Variants in MARK1 observed in about 807,000 individuals in gnomAD.
MARK1 encodes the protein microtubule affinity regulating kinase 1, also known as serine/threonine-protein kinase MARK1.
Under a neutral mutation model 96.3 loss-of-function variants are expected in MARK1, and 40 were observed. The observed-to-expected ratio is 0.42, with a 90% CI of 0.32 to 0.54. MARK1 has a LOEUF of 0.54. MARK1 is among the 20% of genes least tolerant of loss of function. MARK1 has a pLI of 0.16. For synonymous variants in MARK1, 317 were observed against 341.2 expected, an observed-to-expected ratio of 0.93 and a Z score of 0.78; for missense variants, 719 against 984.6, an observed-to-expected ratio of 0.73 and a Z score of 3.61.
chr1:220,623,010 G>C (rs1281368598), intron 9 of MARK1, among the ~76,000 whole-genome samples: 1 of 152,092 alleles, frequency 6.6e-6, no homozygotes, highest in African/African-American at 2.4e-5. Flanking sequence ...AGTCATTTAT[G>C]TTCATTGGCA....
At chr1:220,641,890 T>G (rs1233730686) in intron 13 of MARK1, among the ~76,000 whole-genome samples, 1 of 152,196 alleles carries the variant, frequency 6.6e-6, no homozygotes, top group Non-Finnish European at 1.5e-5. Flanking sequence ...GGCACTACGC[T>G]TTTCCCACAG....
chr1:220,552,581 T>C (rs1661937634), intron 1 of MARK1, among the ~76,000 whole-genome samples: 1 of 152,168 alleles, frequency 6.6e-6, no homozygotes, highest in African/African-American at 2.4e-5. Context: ...ATTCTTTATT[T>C]GCTATAAAAT....
At position 220,626,500 on chromosome 1, in the gene MARK1, G is replaced by T; in HGVS notation, c.910-4535G>T. On this transcript the variant is annotated intron_variant, in intron 9 of 17. Transcript: ENST00000366917. ...GTGTGGCTCAGACTCCTTATCTGGGGACTGGTTAGGTTGCTTCAATCTGAT... is the reference window on the plus strand; with the variant it reads ...GTGTGGCTCAGACTCCTTATCTGGGTACTGGTTAGGTTGCTTCAATCTGAT... 5.7e-6 allele frequency: 3 copies of T among 529,776 alleles called. 1 individual carries two copies. The highest frequency in any genetic ancestry group is 1.4e-5 in the South Asian group (1 of 71,022). 32.8% of individuals were successfully genotyped at this position (529,776 alleles called of 1,614,324 possible).
intron 6 of MARK1, among the ~76,000 whole-genome samples, chr1:220,605,758 T>C (rs1266117394): frequency 1.4e-5 from 2 of 143,728 alleles, no homozygotes; most frequent in Non-Finnish European, 3.0e-5. Context: ...AGTGAGAACA[T>C]GTGGTGTTTG....
intron 9 of MARK1, among the ~76,000 whole-genome samples, chr1:220,624,858 G>T (rs1022215356): frequency 6.6e-6 from 1 of 152,114 alleles, no homozygotes; most frequent in Non-Finnish European, 1.5e-5. Flanking sequence ...ACCATATTCT[G>T]CCAGGCACCT....
chr1:220,615,874 G>C, intron 6 of MARK1, 65 bp from the exon 7 acceptor site: 1 of 788,210 alleles, frequency 1.3e-6, no homozygotes, highest in East Asian at 2.6e-5. Context: ...TAAATTGGAG[G>C]TGATTATTGG....
At position 220,635,474 on chromosome 1, in the gene MARK1, G is replaced by A; in HGVS notation, c.1221G>A (p.Leu407=). 1 of 1,613,782 alleles carries A rather than the reference G, an allele frequency of 6.2e-7. No homozygotes were observed. The highest frequency in any genetic ancestry group is 8.5e-7 in the Non-Finnish European group (1 of 1,179,946). The change falls in exon 12 of 18, where the codon CTG becomes CTA. Residue 407 remains leucine, a synonymous_variant. Transcript: ENST00000366917. ...GCACTCTTCAGTCCCCTGCTCACCT[G>A]AAGGTCCAGAGAAGTATCTCAGCAA... ...NNSTLQSPAH[L]KVQRSISANQ... is the part of the protein sequence containing the mutation.
chr1:220,648,786 G>T (rs1486103196), intron 13 of MARK1, among the ~76,000 whole-genome samples: 2 of 152,168 alleles, frequency 1.3e-5, no homozygotes, highest in Non-Finnish European at 2.9e-5. Context: ...TGCCCATGGG[G>T]TGATTTTACA....
At chr1:220,574,417 T>A (rs1663690245) in intron 1 of MARK1, among the ~76,000 whole-genome samples, 1 of 152,234 alleles carries the variant, frequency 6.6e-6, no homozygotes, top group Non-Finnish European at 1.5e-5. Flanking sequence ...TGACTTCATT[T>A]TTCCCAAGGT....
intron 9 of MARK1, among the ~76,000 whole-genome samples, chr1:220,630,810 G>A (rs1176291187): frequency 6.6e-6 from 1 of 152,090 alleles, no homozygotes; most frequent in Admixed American, 6.6e-5. Context: ...GAATAAGAGA[G>A]GCATGCTATT....
chr1:220,634,201 G>A (rs1027675646), intron 11 of MARK1, among the ~76,000 whole-genome samples: 2 of 152,132 alleles, frequency 1.3e-5, no homozygotes, highest in Non-Finnish European at 2.9e-5. Flanking sequence ...AGATTTTAAA[G>A]TACACTCCCG....
At chr1:220,610,714 G>A (rs911046599) in intron 6 of MARK1, among the ~76,000 whole-genome samples, 2 of 152,060 alleles carry the variant, frequency 1.3e-5, no homozygotes, top group African/African-American at 2.4e-5. Flanking sequence ...CTTTGATGTT[G>A]GTGACCTACA....
chr1:220,645,529 A>G (rs1004642479), intron 13 of MARK1, among the ~76,000 whole-genome samples: 7 of 152,196 alleles, frequency 4.6e-5, no homozygotes, highest in African/African-American at 1.7e-4. Flanking sequence ...ATTCCAAACA[A>G]TTGAAAAGGA....
chr1:220,637,454 T>C (rs1196684311), intron 13 of MARK1, among the ~76,000 whole-genome samples: 3 of 152,018 alleles, frequency 2.0e-5, no homozygotes, highest in Non-Finnish European at 4.4e-5. Flanking sequence ...ACGAGGTGAC[T>C]GGATCACTTG....
At position 220,611,448 on chromosome 1, in the gene MARK1, G is replaced by A. The variant is rs114764139; in HGVS notation, c.496-4491G>A. Among the ~76,000 whole-genome samples the A allele has an allele frequency of 2.6e-3, 393 of 152,292 alleles. 1 individual carries two copies. The highest frequency in any genetic ancestry group is 9.1e-3 in the African/African-American group (377 of 41,578). Reference sequence around the variant, plus strand: ...CTTGGGAAAAGCGTAGTATTTGGGTGGGGAGTGTCCCGTTTTTCCAGGTAG... The same window carrying A: ...CTTGGGAAAAGCGTAGTATTTGGGTAGGGAGTGTCCCGTTTTTCCAGGTAG... On this transcript the variant is annotated intron_variant, in intron 6 of 17. Coordinates refer to ENST00000366917, the MANE Select transcript of MARK1 (RefSeq NM_018650.5).
intron 17 of MARK1, 39 bp downstream of exon 17, chr1:220,657,873 G>T: frequency 6.9e-7 from 1 of 1,444,590 alleles, no homozygotes; most frequent in South Asian, 1.6e-5. Context: ...CTAGGTCCCT[G>T]TGTATGAAAA....
chr1:220,601,082 T>A (rs1480277765), intron 5 of MARK1, among the ~76,000 whole-genome samples: 1 of 151,904 alleles, frequency 6.6e-6, no homozygotes, highest in African/African-American at 2.4e-5. Flanking sequence ...CGTGCCCGGC[T>A]AATTTTTTTG....
At chr1:220,625,546 C>T (rs1667277192) in intron 9 of MARK1, among the ~76,000 whole-genome samples, 1 of 152,066 alleles carries the variant, frequency 6.6e-6, no homozygotes, top group African/African-American at 2.4e-5. Flanking sequence ...AGGTCCCAGG[C>T]TTTATGTGGT....
At chr1:220,542,476 A>G (rs1259927085) in intron 1 of MARK1, among the ~76,000 whole-genome samples, 2 of 152,036 alleles carry the variant, frequency 1.3e-5, no homozygotes, top group Non-Finnish European at 2.9e-5. Context: ...CCTGATTGTT[A>G]TTTGTGTGAA....
Sources: allele counts gnomAD v4.1 joint callset (sites outside exome capture counted in the v4.1 genomes callset), GRCh38; gene constraint gnomAD v4.1.1; transcripts MANE v1.5; gene names NCBI Gene and HGNC (gene_info 2026-07-23, HGNC 2026-07-21).